The following PIP5K1B variants were observed in gnomAD, a reference collection of about 807,000 sequenced individuals.
PIP5K1B encodes the protein phosphatidylinositol 4-phosphate 5-kinase type-1 beta.
A neutral mutation model predicts 67.0 loss-of-function variants in PIP5K1B; 42 were observed. That is an observed-to-expected ratio of 0.63 (90% CI 0.49 to 0.81). PIP5K1B has a LOEUF of 0.81. PIP5K1B is among the 30% of genes least tolerant of loss of function. The pLI, the probability that PIP5K1B is intolerant of heterozygous loss-of-function variation, is 0.00. For synonymous variants in PIP5K1B, 214 were observed against 231.4 expected, an observed-to-expected ratio of 0.92 and a Z score of 0.68; for missense variants, 459 against 646.3, an observed-to-expected ratio of 0.71 and a Z score of 3.14.
At chr9:68,780,818 C>G in intron 2 of PIP5K1B, 2 of 1,614,194 alleles carry the variant, frequency 1.2e-6, no homozygotes, top group Non-Finnish European at 1.7e-6. Context: ...AGAGATTTTT[C>G]CAGGGCATCA....
intron 1 of PIP5K1B, among the ~76,000 whole-genome samples, chr9:68,731,404 A>G (rs368827080): frequency 1.3e-5 from 2 of 152,236 alleles, no homozygotes; most frequent in Non-Finnish European, 2.9e-5. Context: ...GATGTTGACC[A>G]CTTCCATAGA....
At chr9:68,993,955 G>T (rs1178676665) in intron 15 of PIP5K1B, among the ~76,000 whole-genome samples, 3 of 151,954 alleles carry the variant, frequency 2.0e-5, no homozygotes, top group Non-Finnish European at 4.4e-5. Context: ...TTACAAGAGT[G>T]AGGGAAGGAT....
At chr9:68,791,551 C>T (rs1033222291) in intron 2 of PIP5K1B, among the ~76,000 whole-genome samples, 1 of 151,968 alleles carries the variant, frequency 6.6e-6, no homozygotes, top group African/African-American at 2.4e-5. Context: ...AGTCTCTTTC[C>T]CTTGATGCTC....
chr9:68,923,270 G>T (rs1307158919), intron 11 of PIP5K1B, 32 bp from the exon 12 acceptor site: 1 of 1,178,136 alleles, frequency 8.5e-7, no homozygotes, highest in South Asian at 1.3e-5. Context: ...ATTAAGAGGT[G>T]ACCCTGTGAT....
chr9:68,754,566 C>T (rs1386515718), intron 2 of PIP5K1B, among the ~76,000 whole-genome samples: 1 of 152,044 alleles, frequency 6.6e-6, no homozygotes, highest in South Asian at 2.1e-4. Flanking sequence ...TGAATTTTTA[C>T]CCCATTTTAT....
intron 14 of PIP5K1B, among the ~76,000 whole-genome samples, chr9:68,947,209 A>G (rs1385886145): frequency 6.6e-6 from 1 of 152,170 alleles, no homozygotes; most frequent in Non-Finnish European, 1.5e-5. Context: ...CTGAAGGGGG[A>G]AATTCCAGAA....
chr9:68,852,018 C>T (rs1052434939), intron 4 of PIP5K1B, among the ~76,000 whole-genome samples: 6 of 152,106 alleles, frequency 3.9e-5, no homozygotes, highest in African/African-American at 7.2e-5. Context: ...TTTATGAGAA[C>T]ACATGGACAC....
rs114008735 is a variant in PIP5K1B, at chr9:68,790,938, G to A, written c.-85-27523G>A. Among the ~76,000 whole-genome samples the A allele has an allele frequency of 5.8e-3, 881 of 152,216 alleles. 10 individuals carry two copies. The highest frequency in any genetic ancestry group is 0.02 in the African/African-American group (831 of 41,522). Reference sequence around the variant, plus strand: ...TTTGAATTTCTAGAATAAATACTCGGGGAGATGTAAAAAATACTCATTTAC... The same window carrying A: ...TTTGAATTTCTAGAATAAATACTCGAGGAGATGTAAAAAATACTCATTTAC... On this transcript the variant is annotated intron_variant, in intron 2 of 15. Transcript: ENST00000265382.
intron 3 of PIP5K1B, among the ~76,000 whole-genome samples, chr9:68,818,756 C>T (rs775938445): frequency 6.6e-6 from 1 of 151,352 alleles, no homozygotes; most frequent in African/African-American, 2.4e-5. Context: ...AAAAAAAAAC[C>T]GAGATGTGGT....
At chr9:68,729,885 C>A (rs547543368) in intron 1 of PIP5K1B, among the ~76,000 whole-genome samples, 2 of 151,734 alleles carry the variant, frequency 1.3e-5, no homozygotes. Flanking sequence ...TGAATATACC[C>A]TTAGATCCAG....
chr9:68,863,736 G>A (rs1823219334), intron 4 of PIP5K1B, 101 bp from the exon 5 acceptor site: 5 of 968,930 alleles, frequency 5.2e-6, no homozygotes, highest in Middle Eastern at 2.2e-4. Context: ...TTGTTTTGGA[G>A]CAAGAAAGAG....
chr9:68,997,271 T>A (rs1017523787), intron 15 of PIP5K1B, among the ~76,000 whole-genome samples: 2 of 152,224 alleles, frequency 1.3e-5, no homozygotes, highest in African/African-American at 4.8e-5. Flanking sequence ...TGGAACTTTT[T>A]TGGCAAAAGA....
At chr9:68,824,434 TCAG>T (rs1276183754) in intron 4 of PIP5K1B, 18 of 278,816 alleles carry the variant, frequency 6.5e-5, no homozygotes, top group African/African-American at 2.8e-4. Flanking sequence ...GATATTTAAC[TCAG>T]CAATGTTTTT....
At chr9:68,940,986 T>A (rs1023927535) in intron 14 of PIP5K1B, 196 bp downstream of exon 14, 11 of 675,618 alleles carry the variant, frequency 1.6e-5, no homozygotes, top group Non-Finnish European at 2.4e-5. Flanking sequence ...ATGATTTTTC[T>A]TTACAGTTGA....
chr9:68,933,728 C>T (rs923553777), intron 12 of PIP5K1B, among the ~76,000 whole-genome samples: 2 of 152,188 alleles, frequency 1.3e-5, no homozygotes, highest in Admixed American at 6.5e-5. Flanking sequence ...AAGCCCTCCA[C>T]AAATGTTATT....
intron 8 of PIP5K1B, among the ~76,000 whole-genome samples, chr9:68,897,835 C>T (rs1825165445): frequency 6.6e-6 from 1 of 152,118 alleles, no homozygotes; most frequent in African/African-American, 2.4e-5. Flanking sequence ...TTTGGCTTGA[C>T]ATCTCAGACC....
chr9:68,792,960 A>G (rs1435630104), intron 2 of PIP5K1B, among the ~76,000 whole-genome samples: 2 of 152,192 alleles, frequency 1.3e-5, no homozygotes, highest in African/African-American at 4.8e-5. Flanking sequence ...GTACAAAACA[A>G]AGACTCCTGC....
At chr9:68,846,495 C>G (rs1265303014) in intron 4 of PIP5K1B, among the ~76,000 whole-genome samples, 1 of 152,184 alleles carries the variant, frequency 6.6e-6, no homozygotes, top group Non-Finnish European at 1.5e-5. Flanking sequence ...GTCCTTACAT[C>G]TGCTGGATCT....
chr9:68,846,318 G>A (rs1822189200), intron 4 of PIP5K1B, among the ~76,000 whole-genome samples: 1 of 152,088 alleles, frequency 6.6e-6, no homozygotes, highest in Admixed American at 6.5e-5. Context: ...GAACTACAAA[G>A]CACATGGTAC....
Sources: gnomAD v4.1 joint callset for allele counts (sites outside exome capture counted in the v4.1 genomes callset) on GRCh38, gnomAD v4.1.1 for gene constraint, MANE v1.5 for transcripts, NCBI Gene and HGNC (gene_info 2026-07-23, HGNC 2026-07-21) for gene names.